The following TNR variants were observed in gnomAD, a reference collection of about 807,000 sequenced individuals.
TNR encodes the protein tenascin R.
TNR carries 45 observed loss-of-function variants against 150.4 expected under a neutral mutation model. The observed-to-expected ratio is 0.30, with a 90% CI of 0.24 to 0.38. TNR has a LOEUF of 0.38. Ranked by LOEUF, TNR falls within the 10% of genes least tolerant of loss-of-function variation. The pLI is 1.00. For missense variants in TNR, 1,544 were observed against 1,759.1 expected, an observed-to-expected ratio of 0.88 and a Z score of 2.19; for synonymous variants, 687 against 678.4, an observed-to-expected ratio of 1.01 and a Z score of -0.20.
intron 20 of TNR, among the ~76,000 whole-genome samples, chr1:175,331,041 CT>C (rs371670839): frequency 2.6e-5 from 2 of 75,858 alleles, no homozygotes; most frequent in Admixed American, 1.6e-4. Context: ...TTCTTTCTTT[CT>C]TTCTTTCTTT....
rs562029301 is a variant in TNR at position 175,558,339 on chromosome 1, A to G, written c.-164-29970T>C. ...TTCTTTTTTAAAATAATTATCTTAT[A>G]TCTATGCCACACTTATTCTGTGCTA... is the stretch of plus-strand genomic sequence containing the variant. On this transcript the variant is annotated intron_variant, in intron 1 of 22. Coordinates refer to ENST00000367674, the MANE Select transcript of TNR (RefSeq NM_003285.3). Among the ~76,000 whole-genome samples, 13 of 152,250 alleles carry G rather than the reference A, an allele frequency of 8.5e-5. 1 individual carries two copies. The South Asian group carries it at 2.7e-3, about 32-fold the overall frequency.
At chr1:175,560,080 C>A (rs952024257) in intron 1 of TNR, among the ~76,000 whole-genome samples, 5 of 152,206 alleles carry the variant, frequency 3.3e-5, no homozygotes, top group African/African-American at 9.7e-5. Context: ...TTTTGTCAGA[C>A]AGTAAACCTT....
intron 21 of TNR, 58 bp downstream of exon 21, chr1:175,330,016 C>G (rs911205886): frequency 8.5e-6 from 12 of 1,419,236 alleles, no homozygotes; most frequent in Non-Finnish European, 2.8e-6. Context: ...CGCCTAGAAT[C>G]TGGGGGCTCT....
At chr1:175,381,622 T>A (rs967262624) in intron 8 of TNR, among the ~76,000 whole-genome samples, 1 of 152,190 alleles carries the variant, frequency 6.6e-6, no homozygotes, top group Non-Finnish European at 1.5e-5. Flanking sequence ...AGGGCACCCC[T>A]GTAGGTGGGA....
chr1:175,543,595 G>C (rs1660579734), intron 1 of TNR, among the ~76,000 whole-genome samples: 1 of 152,146 alleles, frequency 6.6e-6, no homozygotes, highest in South Asian at 2.1e-4. Context: ...TGCATACATT[G>C]AGTATCTAAT....
At chr1:175,575,212 G>A (rs1662051033) in intron 1 of TNR, among the ~76,000 whole-genome samples, 1 of 152,206 alleles carries the variant, frequency 6.6e-6, no homozygotes, top group Admixed American at 6.5e-5. Context: ...CTAACAGCCT[G>A]GGTCCCTGAG....
chr1:175,711,582 C>T (rs1403206442), intron 1 of TNR, among the ~76,000 whole-genome samples: 1 of 152,176 alleles, frequency 6.6e-6, no homozygotes, highest in Non-Finnish European at 1.5e-5. Context: ...GGAGAATAAG[C>T]CACAAAGGGT....
chr1:175,613,544 C>A (rs1571676565), intron 1 of TNR, among the ~76,000 whole-genome samples: 1 of 151,946 alleles, frequency 6.6e-6, no homozygotes, highest in East Asian at 1.9e-4. Context: ...TGATTGGAGC[C>A]TGCCCTCTGT....
chr1:175,619,823 G>A (rs1042812240), intron 1 of TNR, among the ~76,000 whole-genome samples: 1 of 152,168 alleles, frequency 6.6e-6, no homozygotes, highest in Admixed American at 6.5e-5. Context: ...AATACATACA[G>A]CCAATCACCA....
intron 1 of TNR, among the ~76,000 whole-genome samples, chr1:175,670,820 C>T (rs1012332331): frequency 2.0e-5 from 3 of 152,108 alleles, no homozygotes; most frequent in African/African-American, 2.4e-5. Flanking sequence ...AATTATCAAA[C>T]GCTTATACCC....
intron 1 of TNR, among the ~76,000 whole-genome samples, chr1:175,628,282 C>T (rs1002689629): frequency 1.3e-5 from 2 of 152,110 alleles, no homozygotes; most frequent in African/African-American, 4.8e-5. Flanking sequence ...GGAACCTCTC[C>T]TACAGGTTCC....
At chr1:175,680,168 G>A (rs192803796) in intron 1 of TNR, among the ~76,000 whole-genome samples, 3 of 152,186 alleles carry the variant, frequency 2.0e-5, no homozygotes, top group Non-Finnish European at 2.9e-5. Flanking sequence ...CCAAGAGATC[G>A]CGATGTCTCT....
At chr1:175,540,951 C>T (rs1005744763) in intron 1 of TNR, among the ~76,000 whole-genome samples, 3 of 152,112 alleles carry the variant, frequency 2.0e-5, no homozygotes, top group African/African-American at 7.2e-5. Context: ...CCCCAACCTC[C>T]TTTCTCAATG....
chr1:175,707,604 A>G (rs1431227292), intron 1 of TNR, among the ~76,000 whole-genome samples: 1 of 152,164 alleles, frequency 6.6e-6, no homozygotes, highest in African/African-American at 2.4e-5. Context: ...CCATTTTTTC[A>G]CAGGCCTAAA....
At chr1:175,371,077 A>AC in intron 9 of TNR, among the ~76,000 whole-genome samples, 2 of 151,702 alleles carry the variant, frequency 1.3e-5, no homozygotes, top group Admixed American at 1.3e-4. Flanking sequence ...GGAAAAAAAA[A>AC]AAAACCACAT....
intron 1 of TNR, among the ~76,000 whole-genome samples, chr1:175,659,155 G>C (rs1199106396): frequency 6.6e-6 from 1 of 152,180 alleles, no homozygotes; most frequent in Admixed American, 6.5e-5. Context: ...GGCAGAGCTA[G>C]TTAGAATCTC....
intron 2 of TNR, among the ~76,000 whole-genome samples, chr1:175,408,948 AATG>A (rs1374426534): frequency 6.6e-6 from 1 of 152,204 alleles, no homozygotes; most frequent in African/African-American, 2.4e-5. Flanking sequence ...CAATGTGGGA[AATG>A]ATGATCTGTT....
intron 1 of TNR, among the ~76,000 whole-genome samples, chr1:175,625,081 A>G (rs919598727): frequency 1.3e-5 from 2 of 152,236 alleles, no homozygotes; most frequent in African/African-American, 4.8e-5. Context: ...TTGCAGCTTA[A>G]GAACTCTAGG....
chr1:175,527,899 G>A (rs1273502246), intron 2 of TNR, among the ~76,000 whole-genome samples: 1 of 152,162 alleles, frequency 6.6e-6, no homozygotes, highest in African/African-American at 2.4e-5. Context: ...ATTTTAGAGC[G>A]AGACTGGTGA....
Sources: gnomAD v4.1 joint callset for allele counts (sites outside exome capture counted in the v4.1 genomes callset) on GRCh38, gnomAD v4.1.1 for gene constraint, MANE v1.5 for transcripts, NCBI Gene and HGNC (gene_info 2026-07-23, HGNC 2026-07-21) for gene names.